The following CNR2 variants were observed in gnomAD, a reference collection of about 807,000 sequenced individuals.
CNR2 encodes cannabinoid receptor 2 (macrophage).
For synonymous variants in CNR2, 172 were observed against 182.2 expected (o/e 0.94, Z 0.45); for missense variants, 379 against 439.9 (o/e 0.86, Z 1.24).
At chr1:23,881,348 A>C (rs1182211491) in intron 1 of CNR2, among the ~76,000 whole-genome samples, 1 of 150,140 alleles carries the variant, frequency 6.7e-6, no homozygotes, top group Admixed American at 6.6e-5. Context: ...TATAATCCCA[A>C]CACTTTGAGA....
intron 1 of CNR2, chr1:23,901,618 G>A (rs4649133): frequency 1 from 1,593,762 of 1,598,518 alleles, 794,606 homozygotes; most frequent in East Asian, 1. Flanking sequence ...GGTTGCTGCC[G>A]TCCAGAACAG....
chr1:23,873,955 C>T lies in CNR2; in HGVS notation c.*580G>A, dbSNP rs1639811543. ...TCAGAGAGGGTCCTCGCCCAAACAA[C>T]AGGATGCCCCAAACTGAAGGCTTGT... On this transcript the variant is annotated 3_prime_UTR_variant, in exon 2 of 2. Coordinates refer to ENST00000374472, the MANE Select transcript of CNR2 (RefSeq NM_001841.3). 1 of 152,916 alleles carries T rather than the reference C, an allele frequency of 6.5e-6. No homozygotes were observed. The highest frequency in any genetic ancestry group is 2.4e-5 in the African/African-American group (1 of 41,456). The allele number at this position is 152,916 out of a possible 1,614,324, so 9.5% of individuals were successfully genotyped here.
At chr1:23,903,577 C>A (rs200891426) in intron 1 of CNR2, among the ~76,000 whole-genome samples, 506 of 130,774 alleles carry the variant, frequency 3.9e-3, no homozygotes, top group Admixed American at 3.8e-3. Flanking sequence ...CAGGCTTTGT[C>A]AAAAAAAAAA....
chr1:23,874,221 C>T lies in CNR2; in HGVS notation c.*314G>A, dbSNP rs541013896. 1.4e-4 allele frequency: 35 copies of T among 242,512 alleles called. No homozygotes were observed. The highest frequency in any genetic ancestry group is 4.6e-4 in the African/African-American group (21 of 45,690). 15.0% of individuals were successfully genotyped at this position (242,512 alleles called of 1,614,324 possible). ...TCCCTCATTGCTGGGCCTGGAGGCT[C>T]GCTTTGGCTCCTGTGGTCTCTGGAG... On this transcript the variant is annotated 3_prime_UTR_variant, in exon 2 of 2. Coordinates refer to ENST00000374472, the MANE Select transcript of CNR2 (RefSeq NM_001841.3).
At chr1:23,912,531 G>A (rs1366826433) in intron 1 of CNR2, among the ~76,000 whole-genome samples, 1 of 152,222 alleles carries the variant, frequency 6.6e-6, no homozygotes, top group Non-Finnish European at 1.5e-5. Flanking sequence ...TTCAATGCCC[G>A]CATGATTTCA....
rs897063988 is a variant in CNR2 at position 23,902,354 on chromosome 1, C to G, written c.-46+10892G>C. 4.9e-5 allele frequency: 77 copies of G among 1,580,244 alleles called. 1 individual carries two copies. The South Asian group carries it at 6.6e-4, about 13-fold the overall frequency. ...GGTCGGGCTCCTCAAACAGCCGGCT[C>G]TGGGACAGCAGGACGCAGGCGTTCT... On this transcript the variant is annotated intron_variant, in intron 1 of 1. Coordinates refer to ENST00000374472, the MANE Select transcript of CNR2 (RefSeq NM_001841.3).
rs905401991 is a variant in CNR2 at position 23,872,542 on chromosome 1, G to A, written c.*1993C>T. The stretch of plus-strand genomic sequence containing the variant: ...AGAATTTGACTGAACTAGGACAAAA[G>A]GTTAGTGGTTAAGAGGGCAGGCTTT... On this transcript the variant is annotated 3_prime_UTR_variant, in exon 2 of 2. Coordinates refer to ENST00000374472, the MANE Select transcript of CNR2 (RefSeq NM_001841.3). 1.3e-5 allele frequency: 2 copies of A among 152,038 alleles called. No individual in the cohort carries two copies. The highest frequency in any genetic ancestry group is 6.6e-5 in the Admixed American group (1 of 15,220). 9.4% of individuals were successfully genotyped at this position (152,038 alleles called of 1,614,324 possible).
chr1:23,875,841 T>C (rs188237802), intron 1 of CNR2, among the ~76,000 whole-genome samples, 179 bp from the exon 2 acceptor site: 4 of 152,200 alleles, frequency 2.6e-5, no homozygotes, highest in Non-Finnish European at 5.9e-5. Flanking sequence ...AAGCCAGATC[T>C]GTCCTGGCTG....
At chr1:23,891,275 TTGTG>T (rs57856234) in intron 1 of CNR2, among the ~76,000 whole-genome samples, 2 of 150,316 alleles carry the variant, frequency 1.3e-5, no homozygotes, top group East Asian at 3.9e-4. Flanking sequence ...ACCAAATCTT[TTGTG>T]TGTGTGTGTG....
chr1:23,912,423 A>G (rs1434856133), intron 1 of CNR2, among the ~76,000 whole-genome samples: 1 of 152,172 alleles, frequency 6.6e-6, no homozygotes, highest in Non-Finnish European at 1.5e-5. Context: ...CCTGGCCCCC[A>G]TCTACTGTTG....
intron 1 of CNR2, among the ~76,000 whole-genome samples, chr1:23,879,599 T>A (rs566250958): frequency 4.2e-4 from 64 of 152,302 alleles, no homozygotes; most frequent in African/African-American, 1.5e-3. Context: ...GGTGACAGAA[T>A]GAGACCTTGT....
chr1:23,882,078 C>G, intron 1 of CNR2, among the ~76,000 whole-genome samples: 2 of 151,588 alleles, frequency 1.3e-5, no homozygotes, highest in South Asian at 4.2e-4. Context: ...CCTGCCACCA[C>G]GACCAGCTAA....
rs58607626 is a variant in CNR2 at position 23,891,635 on chromosome 1, A to AAAAAAAAAG, written c.-45-15974_-45-15973insCTTTTTTTT. ...ACTCCATCTCAAAAAAAAAAAAAAA[A>AAAAAAAAAG]AAAGCCCAAATCTTACCTCTTTTTA... is the stretch of plus-strand genomic sequence containing the variant. On this transcript the variant is annotated intron_variant, in intron 1 of 1. Transcript: ENST00000374472. Among the ~76,000 whole-genome samples the AAAAAAAAAG allele has an allele frequency of 6.9e-5, 9 of 131,010 alleles. 1 individual carries two copies. Among genetic ancestry groups the AAAAAAAAAG allele is most frequent in the South Asian group, 2.4e-4 (1 of 4,226 alleles). The allele number at this position is 131,010 out of a possible 152,430, so 85.9% of individuals were successfully genotyped here. A position where few individuals can be genotyped will look rare whatever the true frequency, so the allele number is the denominator to read the frequency against.
chr1:23,897,481 A>AT (rs35662001), intron 1 of CNR2, among the ~76,000 whole-genome samples: 1,712 of 149,812 alleles, frequency 0.011, 58 homozygotes, highest in African/African-American at 0.039. Context: ...TGTTAATAGA[A>AT]TTTTTTTTTT....
At chr1:23,908,218 A>T (rs1640530588) in intron 1 of CNR2, among the ~76,000 whole-genome samples, 1 of 152,016 alleles carries the variant, frequency 6.6e-6, no homozygotes, top group South Asian at 2.1e-4. Flanking sequence ...TGACCTCATG[A>T]TCTGCCCACC....
At chr1:23,887,154 T>C (rs991427219) in intron 1 of CNR2, among the ~76,000 whole-genome samples, 1 of 152,222 alleles carries the variant, frequency 6.6e-6, no homozygotes, top group African/African-American at 2.4e-5. Context: ...AGGTCACACC[T>C]GAGCTCAGAC....
chr1:23,876,596 G>A (rs986914650), intron 1 of CNR2, among the ~76,000 whole-genome samples: 3 of 151,976 alleles, frequency 2.0e-5, no homozygotes, highest in African/African-American at 7.3e-5. Flanking sequence ...AACACTTGGG[G>A]AGGCTAAGGA....
chr1:23,887,468 C>T (rs1349547229), intron 1 of CNR2, among the ~76,000 whole-genome samples: 1 of 152,206 alleles, frequency 6.6e-6, no homozygotes, highest in East Asian at 1.9e-4. Flanking sequence ...CTCATCTAGG[C>T]CTGGCATGGC....
intron 1 of CNR2, among the ~76,000 whole-genome samples, chr1:23,897,630 T>C (rs1640306338): frequency 6.6e-6 from 1 of 151,728 alleles, no homozygotes; most frequent in African/African-American, 2.4e-5. Flanking sequence ...CCTGGCTAAT[T>C]TTTGTGTTTT....
Sources: gnomAD v4.1 joint callset for allele counts (sites outside exome capture counted in the v4.1 genomes callset) on GRCh38, gnomAD v4.1.1 for gene constraint, MANE v1.5 for transcripts, NCBI Gene and HGNC (gene_info 2026-07-23, HGNC 2026-07-21) for gene names.